RAB7B: variants seen among roughly 807,000 people sequenced by gnomAD.
RAB7B encodes the protein RAB7B, member RAS oncogene family.
intron 1 of RAB7B, chr1:205,994,388 T>C: frequency 3.3e-6 from 1 of 303,440 alleles, no homozygotes. Context: ...CAGGCAAATC[T>C]CTCATCCCTC....
rs1660736148 is a variant in RAB7B, at chr1:205,992,462, T to A, written c.396+18A>T. 1 of 398,686 alleles carries A rather than the reference T, an allele frequency of 2.5e-6. No homozygotes were observed. Among genetic ancestry groups the A allele is most frequent in the Non-Finnish European group, 4.4e-6 (1 of 226,096 alleles). The allele number at this position is 398,686 out of a possible 1,614,324, so 24.7% of individuals were successfully genotyped here. ...GCTCATATAATGTTTGTTGAATGAA[T>A]AAATGAACGAACAGTACCTTCCGGT... On this transcript the variant is annotated intron_variant, in intron 4 of 5. Coordinates refer to ENST00000617070, the MANE Select transcript of RAB7B (RefSeq NM_001164522.3).
intron 5 of RAB7B, among the ~76,000 whole-genome samples, chr1:205,984,592 C>T (rs1447141934): frequency 6.6e-6 from 1 of 152,218 alleles, no homozygotes; most frequent in Non-Finnish European, 1.5e-5. Flanking sequence ...CCAAACTCCA[C>T]ATCAGACTGA....
rs929161528 is a variant in RAB7B at position 205,992,484 on chromosome 1, C to T, written c.392G>A (p.Arg131Gln). Residue 131 changes from arginine to glutamine, a missense_variant, in exon 4 of 6, where the codon CGG becomes CAG. Arg to Gln is a conservative substitution (Grantham distance 43). Coordinates refer to ENST00000617070, the MANE Select transcript of RAB7B (RefSeq NM_001164522.3). ...LLGNKIDLADRKVPQEVAQGW... is the reference protein window; with the variant it reads ...LLGNKIDLADQKVPQEVAQGW... ...GAATAAATGAACGAACAGTACCTTC[C>T]GGTCTGCCAGATCGATCTTGTTCCC... The T allele has an allele frequency of 1.8e-5, 7 of 398,546 alleles. No homozygotes were observed. The highest frequency in any genetic ancestry group is 1.3e-4 in the Admixed American group (3 of 22,714). The allele number at this position is 398,546 out of a possible 1,614,324, so 24.7% of individuals were successfully genotyped here. A position where few individuals can be genotyped will look rare whatever the true frequency, so the allele number is the denominator to read the frequency against.
At chr1:205,998,564 G>A (rs956990228) in intron 1 of RAB7B, among the ~76,000 whole-genome samples, 1 of 152,192 alleles carries the variant, frequency 6.6e-6, no homozygotes, top group Non-Finnish European at 1.5e-5. Context: ...GGGGTGGAGA[G>A]AACTGGAGCT....
intron 1 of RAB7B, among the ~76,000 whole-genome samples, chr1:206,000,051 G>T (rs1234896185): frequency 3.9e-5 from 6 of 152,192 alleles, no homozygotes; most frequent in African/African-American, 1.2e-4. Flanking sequence ...TGGCATTACA[G>T]GTGTGAGCCA....
At chr1:205,985,836 GCCCACCACCACT>G (rs1660595130) in intron 4 of RAB7B, among the ~76,000 whole-genome samples, 171 bp from the exon 5 acceptor site, 1 of 93,450 alleles carries the variant, frequency 1.1e-5, no homozygotes, top group Non-Finnish European at 2.4e-5. Flanking sequence ...TCCCCACCAG[GCCCACCACCACT>G]CCCATTTATT....
rs1045141799 is a variant in RAB7B, at chr1:205,991,897, C to T, written c.396+583G>A. 3.3e-3 allele frequency among the ~76,000 whole-genome samples: 496 copies of T among 152,358 alleles called. 5 individuals are homozygous for T. The highest frequency in any genetic ancestry group is 0.011 in the African/African-American group (476 of 41,582). On this transcript the variant is annotated intron_variant, in intron 4 of 5. Coordinates refer to ENST00000617070, the MANE Select transcript of RAB7B (RefSeq NM_001164522.3). The stretch of plus-strand genomic sequence containing the variant: ...GTAAACGCCTACACAAGTGGGGTCA[C>T]TGTAGTCATGGAGCAGACCAACTGT...
Position 205,977,967 on chromosome 1 carries a change from C to A in RAB7B, c.*884G>T, listed in dbSNP as rs1246749024. On this transcript the variant is annotated 3_prime_UTR_variant, in exon 6 of 6. Transcript: ENST00000617070. ...ATCTGTCTAGAGTCTGCGTCTCTCC[C>A]TCACCAGATGTCGGCTCCAGGAGGG... 6.6e-6 allele frequency: 1 copy of A among 152,254 alleles called. No homozygotes were observed. The highest frequency in any genetic ancestry group is 1.5e-5 in the Non-Finnish European group (1 of 68,064). The allele number at this position is 152,254 out of a possible 1,614,324, so 9.4% of individuals were successfully genotyped here.
In RAB7B at chr1:205,977,588, G is replaced by C. The variant is rs1660406413; in HGVS notation, c.*1263C>G. ...AGCACTGCTGCCCTCTGGTGGTCAG[G>C]CAGCAGAGCATCTAGGAGCCACCCA... On this transcript the variant is annotated 3_prime_UTR_variant, in exon 6 of 6. Coordinates refer to ENST00000617070, the MANE Select transcript of RAB7B (RefSeq NM_001164522.3). 2.0e-5 allele frequency: 3 copies of C among 152,324 alleles called. 1 individual carries two copies. The highest frequency in any genetic ancestry group is 7.2e-5 in the African/African-American group (3 of 41,570). The allele number at this position is 152,324 out of a possible 1,614,324, so 9.4% of individuals were successfully genotyped here.
chr1:205,991,293 A>C (rs1660718866), intron 4 of RAB7B, among the ~76,000 whole-genome samples: 1 of 152,160 alleles, frequency 6.6e-6, no homozygotes, highest in Non-Finnish European at 1.5e-5. Context: ...GGGGGAAAAA[A>C]TGGAGACACC....
chr1:205,994,298 A>G (rs1010348410), intron 1 of RAB7B, 147 bp from the exon 2 acceptor site: 38 of 388,812 alleles, frequency 9.8e-5, no homozygotes, highest in Non-Finnish European at 1.5e-4. Context: ...GAGGCACGTA[A>G]TTCAGCAATC....
chr1:205,980,159 G>T (rs902775727), intron 5 of RAB7B, among the ~76,000 whole-genome samples: 1 of 152,202 alleles, frequency 6.6e-6, no homozygotes, highest in Admixed American at 6.5e-5. Flanking sequence ...CCAGCCCTTC[G>T]TCACGGAGTT....
chr1:205,993,241 A>C (rs1180017040), intron 3 of RAB7B, among the ~76,000 whole-genome samples, 179 bp downstream of exon 3: 5 of 152,184 alleles, frequency 3.3e-5, no homozygotes, highest in African/African-American at 1.2e-4. Flanking sequence ...GCTGTGCCCC[A>C]GTGAAGTCTT....
At chr1:205,984,053 C>G (rs1660546152) in intron 5 of RAB7B, 3 of 152,408 alleles carry the variant, frequency 2.0e-5, no homozygotes, top group Admixed American at 6.5e-5. Context: ...CAAGGTCAAA[C>G]AGCATTCCTC....
intron 4 of RAB7B, among the ~76,000 whole-genome samples, chr1:205,989,183 G>C (rs1365171431): frequency 6.6e-6 from 1 of 151,970 alleles, no homozygotes; most frequent in African/African-American, 2.4e-5. Context: ...GGACCTCCCT[G>C]TCTGGCTGAA....
intron 1 of RAB7B, among the ~76,000 whole-genome samples, chr1:205,999,613 G>A (rs1045874565): frequency 0.027 from 4,143 of 152,244 alleles, 181 homozygotes; most frequent in African/African-American, 0.094. Flanking sequence ...CTAGGAATCT[G>A]TCCTACAGAA....
chr1:205,996,143 AGTGTGTGTGTGTGT>A (rs1182397777), intron 1 of RAB7B, among the ~76,000 whole-genome samples: 2,669 of 142,890 alleles, frequency 0.019, 36 homozygotes, highest in South Asian at 0.04. Flanking sequence ...GTAAATGTAT[AGTGTGTGTGTGTGT>A]GTGTGTGTGT....
At chr1:206,002,736 C>G in intron 1 of RAB7B, among the ~76,000 whole-genome samples, 2 of 152,292 alleles carry the variant, frequency 1.3e-5, no homozygotes, top group East Asian at 3.9e-4. Flanking sequence ...TTCATTGGCT[C>G]CCCTGGCATT....
chr1:205,983,118 G>A (rs955297140), intron 5 of RAB7B, among the ~76,000 whole-genome samples: 4 of 152,284 alleles, frequency 2.6e-5, no homozygotes, highest in Admixed American at 1.3e-4. Flanking sequence ...CGGGGTTCAC[G>A]AGGCCTTGGT....
Sources: gnomAD v4.1 joint callset for allele counts (sites outside exome capture counted in the v4.1 genomes callset) on GRCh38, gnomAD v4.1.1 for gene constraint, MANE v1.5 for transcripts, NCBI Gene and HGNC (gene_info 2026-07-23, HGNC 2026-07-21) for gene names.